Variants in FLYWCH2 observed in about 807,000 individuals in gnomAD.
FLYWCH2 encodes FLYWCH family member 2.
In FLYWCH2, 2 loss-of-function variants were observed where a neutral mutation model predicts 6.0. That is an observed-to-expected ratio of 0.33 (90% CI 0.14 to 1.04). The LOEUF (loss-of-function observed/expected upper bound fraction) is 1.04. Among genes scored for constraint, FLYWCH2 ranks in the 50% least tolerant of loss-of-function variants. The probability of loss-of-function intolerance (pLI) is 0.45; values close to 1 mark genes in which losing one functional copy is unlikely to be tolerated. For synonymous variants in FLYWCH2, 87 were observed against 79.3 expected (o/e 1.10, Z -0.52); for missense variants, 192 against 183.4 (o/e 1.05, Z -0.27).
intron 1 of FLYWCH2, among the ~76,000 whole-genome samples, chr16:2,885,482 C>G (rs960824447): frequency 1.3e-5 from 2 of 152,210 alleles, no homozygotes; most frequent in South Asian, 4.1e-4. Context: ...CCACCCCAAT[C>G]CCGAGATAAC....
chr16:2,899,331 C>G lies in FLYWCH2; in HGVS notation c.*182C>G. The G allele has an allele frequency of 2.0e-6, 1 of 503,132 alleles. No individual in the cohort carries two copies. The allele number at this position is 503,132 out of a possible 1,614,324, so 31.2% of individuals were successfully genotyped here. A position where few individuals can be genotyped will look rare whatever the true frequency, so the allele number is the denominator to read the frequency against. The stretch of plus-strand genomic sequence containing the variant: ...TTGTAAGCAGAAAAATACTTTCAAA[C>G]AAGAATAAAAGAAGCTGTTCGCTAG... On this transcript the variant is annotated 3_prime_UTR_variant, in exon 4 of 4. Transcript: ENST00000396958.
chr16:2,894,335 G>A (rs1044838984), intron 1 of FLYWCH2, among the ~76,000 whole-genome samples: 10 of 152,194 alleles, frequency 6.6e-5, no homozygotes, highest in Admixed American at 2.0e-4. Context: ...GACCCGGGGT[G>A]GACTCGGACG....
At chr16:2,887,067 A>G (rs535149301) in intron 1 of FLYWCH2, among the ~76,000 whole-genome samples, 2 of 152,212 alleles carry the variant, frequency 1.3e-5, no homozygotes, top group Admixed American at 1.3e-4. Context: ...AGCTTTGCCT[A>G]ATCTAAGGTT....
chr16:2,891,432 T>G (rs146884313), intron 1 of FLYWCH2, among the ~76,000 whole-genome samples: 2,616 of 152,030 alleles, frequency 0.017, 26 homozygotes, highest in Non-Finnish European at 0.025. Flanking sequence ...TGAGATGGAG[T>G]CTCGCCCTAT....
chr16:2,891,367 A>G (rs1045283592), intron 1 of FLYWCH2, among the ~76,000 whole-genome samples: 3 of 152,208 alleles, frequency 2.0e-5, no homozygotes, highest in Admixed American at 6.5e-5. Context: ...CAGGAGGACC[A>G]GAGTGGCAGG....
At chr16:2,888,189 T>A (rs1270232430) in intron 1 of FLYWCH2, among the ~76,000 whole-genome samples, 3 of 151,984 alleles carry the variant, frequency 2.0e-5, no homozygotes, top group Non-Finnish European at 2.9e-5. Flanking sequence ...TTTGTATTTT[T>A]AGTAGAGACG....
intron 1 of FLYWCH2, among the ~76,000 whole-genome samples, chr16:2,887,764 A>G (rs1015650160): frequency 6.6e-6 from 1 of 151,600 alleles, no homozygotes; most frequent in South Asian, 2.1e-4. Flanking sequence ...ATGAGATCTC[A>G]CTATGTTGCC....
rs753626721 is a variant in FLYWCH2 at position 2,899,124 on chromosome 16, C to G, written c.398C>G (p.Ser133Cys). 3.7e-6 allele frequency: 6 copies of G among 1,613,576 alleles called. No individual in the cohort carries two copies. In the Admixed American group the frequency reaches 5.0e-5, roughly 13 times the overall value. Reference sequence around the variant, plus strand: ...GCTGGGGAGAACTTTGCCCCCTGCTCTGTGGCGCCCGGCAAGTCCCTGTAA... The same window carrying G: ...GCTGGGGAGAACTTTGCCCCCTGCTGTGTGGCGCCCGGCAAGTCCCTGTAA... ...EAAGENFAPC[S>C]VAPGKSL The change falls in exon 4 of 4, where the codon TCT (serine) becomes TGT (cysteine). Residue 133 changes from serine to cysteine, a missense_variant. By Grantham distance (112) the Ser-to-Cys change is moderately radical. Coordinates refer to ENST00000396958, the MANE Select transcript of FLYWCH2 (RefSeq NM_138439.3).
chr16:2,896,425 T>G lies in FLYWCH2; in HGVS notation c.-25T>G. 1 of 1,591,596 alleles carries G rather than the reference T, an allele frequency of 6.3e-7. No homozygotes were observed. Among genetic ancestry groups the G allele is most frequent in the Non-Finnish European group, 8.6e-7 (1 of 1,169,580 alleles). ...CACCTGCTGGGGGCTGAGTGTGGCCTGAGGGACAGGCCCTGGGTCCCGGGA... is the reference window on the plus strand; with the variant it reads ...CACCTGCTGGGGGCTGAGTGTGGCCGGAGGGACAGGCCCTGGGTCCCGGGA... On this transcript the variant is annotated 5_prime_UTR_variant, in exon 3 of 4. Transcript: ENST00000396958.
intron 1 of FLYWCH2, among the ~76,000 whole-genome samples, chr16:2,888,268 C>G (rs1490110122): frequency 1.3e-5 from 2 of 152,042 alleles, no homozygotes; most frequent in African/African-American, 4.8e-5. Flanking sequence ...CCTTGGCCTC[C>G]CAAAGTGCTG....
At chr16:2,886,516 C>CTTTTTT (rs34052316) in intron 1 of FLYWCH2, among the ~76,000 whole-genome samples, 3 of 66,848 alleles carry the variant, frequency 4.5e-5, no homozygotes, top group African/African-American at 1.4e-4. Flanking sequence ...CCCCTTTGTC[C>CTTTTTT]TTTTTTTTTT....
rs1240333430 is a variant in FLYWCH2, at chr16:2,899,035, C to G, written c.323-14C>G. 1 of 1,605,578 alleles carries G rather than the reference C, an allele frequency of 6.2e-7. No homozygotes were observed. On this transcript the variant is annotated splice_polypyrimidine_tract_variant and intron_variant, in intron 3 of 3. Transcript: ENST00000396958. ...TCCATTGACACCAGCCTGATCCACC[C>G]TCTTCTCTCGCAGGCACAGACAGAA...
chr16:2,892,422 G>A (rs2069768242), intron 1 of FLYWCH2, among the ~76,000 whole-genome samples: 1 of 151,932 alleles, frequency 6.6e-6, no homozygotes, highest in Non-Finnish European at 1.5e-5. Context: ...CTTCAACCCA[G>A]GAGGCAGAAG....
chr16:2,884,873 T>TA (rs1463016880), intron 1 of FLYWCH2, among the ~76,000 whole-genome samples: 7 of 142,214 alleles, frequency 4.9e-5, no homozygotes, highest in African/African-American at 1.7e-4. Context: ...ATACTCCGTC[T>TA]AAAAAACAAA....
chr16:2,896,607 A>G lies in FLYWCH2; in HGVS notation c.158A>G (p.Lys53Arg), dbSNP rs1400843634. The G allele has an allele frequency of 6.2e-7, 1 of 1,614,096 alleles. No homozygotes were observed. The highest frequency in any genetic ancestry group is 2.2e-5 in the East Asian group (1 of 44,886). The change falls in exon 3 of 4, where the codon AAG (lysine) becomes AGG (arginine). Residue 53 changes from lysine to arginine, a missense_variant. Lys to Arg is a conservative substitution (Grantham distance 26). Coordinates refer to ENST00000396958, the MANE Select transcript of FLYWCH2 (RefSeq NM_138439.3). ...VLLTASKDSTKVAGAKRKGVH... is the reference protein window; with the variant it reads ...VLLTASKDSTRVAGAKRKGVH... ...CTCACAGCCTCCAAAGACAGCACCA[A>G]GGTGGCGGGGGCCAAGCGCAAGGGT... is the stretch of plus-strand genomic sequence containing the variant.
At chr16:2,891,433 C>CT (rs1246550687) in intron 1 of FLYWCH2, among the ~76,000 whole-genome samples, 2 of 151,998 alleles carry the variant, frequency 1.3e-5, no homozygotes, top group Admixed American at 1.3e-4. Context: ...GAGATGGAGT[C>CT]TCGCCCTATC....
At chr16:2,887,014 T>G (rs2069705770) in intron 1 of FLYWCH2, among the ~76,000 whole-genome samples, 1 of 152,166 alleles carries the variant, frequency 6.6e-6, no homozygotes, top group Non-Finnish European at 1.5e-5. Flanking sequence ...AAGTCCAGTT[T>G]ATTTCTTCAT....
At chr16:2,898,190 C>T (rs1366871075) in intron 3 of FLYWCH2, among the ~76,000 whole-genome samples, 2 of 152,202 alleles carry the variant, frequency 1.3e-5, no homozygotes, top group African/African-American at 4.8e-5. Flanking sequence ...GTGTCCGCAG[C>T]CACAGGCTTG....
chr16:2,898,914 TCA>T (rs2069851855), intron 3 of FLYWCH2, 133 bp from the exon 4 acceptor site: 1 of 592,184 alleles, frequency 1.7e-6, no homozygotes, highest in Non-Finnish European at 2.8e-6. Context: ...CAGTCACTTC[TCA>T]GTCAGGCAGA....
Sources: gnomAD v4.1 joint callset for allele counts (sites outside exome capture counted in the v4.1 genomes callset) on GRCh38, gnomAD v4.1.1 for gene constraint, MANE v1.5 for transcripts, NCBI Gene and HGNC (gene_info 2026-07-23, HGNC 2026-07-21) for gene names.